The following MYO18B variants were observed in gnomAD, a reference collection of about 807,000 sequenced individuals.
MYO18B encodes unconventional myosin-XVIIIb.
In MYO18B, 204 loss-of-function variants were observed where a neutral mutation model predicts 273.0. The observed-to-expected ratio is 0.75, with a 90% CI of 0.67 to 0.84. MYO18B has a LOEUF of 0.84. Among genes scored for constraint, MYO18B ranks in the 40% least tolerant of loss-of-function variants. MYO18B has a pLI of 0.00. For missense variants in MYO18B, 3,212 were observed against 3,287.6 expected (o/e 0.98, Z 0.56); for synonymous variants, 1,330 against 1,305.7 (o/e 1.02, Z -0.40).
At chr22:25,781,453 CA>C (rs1236335334) in intron 9 of MYO18B, among the ~76,000 whole-genome samples, 2 of 151,764 alleles carry the variant, frequency 1.3e-5, no homozygotes, top group South Asian at 4.2e-4. Flanking sequence ...ACTAAAAAAA[CA>C]AAAAAATTAG....
intron 8 of MYO18B, 124 bp downstream of exon 8, chr22:25,777,905 C>A: frequency 1.1e-6 from 1 of 914,806 alleles, no homozygotes; most frequent in Non-Finnish European, 1.6e-6. Context: ...ATGTGCAGAC[C>A]CCATGCTTGC....
chr22:25,857,212 C>T (rs1444314081), intron 21 of MYO18B, among the ~76,000 whole-genome samples: 1 of 152,198 alleles, frequency 6.6e-6, no homozygotes, highest in Non-Finnish European at 1.5e-5. Flanking sequence ...CTCACCTTGG[C>T]TACGTCCCAG....
At chr22:25,910,397 A>G (rs1310158584) in intron 32 of MYO18B, among the ~76,000 whole-genome samples, 2 of 152,106 alleles carry the variant, frequency 1.3e-5, no homozygotes, top group Non-Finnish European at 2.9e-5. Flanking sequence ...CTCTACCTTC[A>G]TGGCCTCATT....
chr22:25,768,142 A>G lies in MYO18B; in HGVS notation c.226A>G (p.Asn76Asp). The change falls in exon 4 of 44, where the codon AAC (asparagine) becomes GAC (aspartate). Residue 76 changes from asparagine to aspartate, a missense_variant. Physicochemically the swap from Asn to Asp is conservative, Grantham distance 23. Transcript: ENST00000335473. ...CCCAGAAATTTCCATCAGCCAACCC[A>G]ACAGCAAGTCCAGCAGTGGCACCAG... Reference protein sequence around the residue: ...EIPEISISQPNSKSSSGTRSG... With the variant: ...EIPEISISQPDSKSSSGTRSG... The G allele has an allele frequency of 1.2e-6, 2 of 1,605,860 alleles. No individual in the cohort carries two copies. Among genetic ancestry groups the G allele is most frequent in the Non-Finnish European group, 1.7e-6 (2 of 1,175,240 alleles).
At chr22:25,978,235 G>GACAT (rs2093114338) in intron 39 of MYO18B, among the ~76,000 whole-genome samples, 2 of 152,192 alleles carry the variant, frequency 1.3e-5, no homozygotes, top group Admixed American at 1.3e-4. Flanking sequence ...CTAATTCTAT[G>GACAT]AGAGGGAGCC....
At chr22:25,894,884 A>G (rs2072015) in intron 27 of MYO18B, 4,666 of 309,402 alleles carry the variant, frequency 0.015, 42 homozygotes, top group East Asian at 0.031. Flanking sequence ...ACTTATAGAG[A>G]CAACTAAACA....
chr22:25,886,789 G>T (rs530545297), intron 25 of MYO18B, among the ~76,000 whole-genome samples: 115 of 152,232 alleles, frequency 7.6e-4, no homozygotes, highest in African/African-American at 2.5e-3. Flanking sequence ...CCAGGTGCTG[G>T]GAATCAGGCA....
intron 33 of MYO18B, among the ~76,000 whole-genome samples, chr22:25,919,406 A>C (rs1246437711): frequency 2.6e-5 from 4 of 152,212 alleles, no homozygotes; most frequent in African/African-American, 7.2e-5. Flanking sequence ...TGCATACTTC[A>C]GTTTCATTAT....
chr22:26,013,994 C>A (rs956076147), intron 42 of MYO18B, among the ~76,000 whole-genome samples: 5 of 152,092 alleles, frequency 3.3e-5, no homozygotes, highest in Admixed American at 6.5e-5. Context: ...AAGAAAAGTT[C>A]TTAATTTTAA....
chr22:25,810,287 A>G (rs962035330), intron 12 of MYO18B, among the ~76,000 whole-genome samples: 1 of 150,704 alleles, frequency 6.6e-6, no homozygotes, highest in Non-Finnish European at 1.5e-5. Flanking sequence ...TTTAGTAGAG[A>G]TGGGGTTTCA....
At chr22:26,028,887 CAAAAAAA>C (rs554144546) in intron 43 of MYO18B, among the ~76,000 whole-genome samples, 5 of 75,694 alleles carry the variant, frequency 6.6e-5, no homozygotes, top group African/African-American at 8.9e-5. Flanking sequence ...GACTCCGTCT[CAAAAAAA>C]AAAAAAAAAA....
intron 27 of MYO18B, among the ~76,000 whole-genome samples, chr22:25,893,759 C>CT (rs1416120384): frequency 1.3e-4 from 19 of 151,900 alleles, no homozygotes; most frequent in South Asian, 4.1e-4. Flanking sequence ...ATCCATCCAT[C>CT]TATCCATCCA....
At chr22:26,004,044 C>T (rs1934209895) in intron 41 of MYO18B, among the ~76,000 whole-genome samples, 1 of 151,184 alleles carries the variant, frequency 6.6e-6, no homozygotes, top group African/African-American at 2.4e-5. Flanking sequence ...TGGACAAGAA[C>T]TGGTGCTTGG....
intron 33 of MYO18B, among the ~76,000 whole-genome samples, chr22:25,919,972 T>G (rs922618923): frequency 6.6e-6 from 1 of 152,052 alleles, no homozygotes; most frequent in South Asian, 2.1e-4. Context: ...ATAGGGTGTT[T>G]TTTTTAACCT....
At chr22:26,007,430 A>G (rs537866537) in intron 42 of MYO18B, among the ~76,000 whole-genome samples, 1 of 152,326 alleles carries the variant, frequency 6.6e-6, no homozygotes, top group Non-Finnish European at 1.5e-5. Flanking sequence ...TTGCCATGCT[A>G]CCACAGCTCT....
chr22:26,006,732 C>G (rs576322702), intron 42 of MYO18B, among the ~76,000 whole-genome samples: 23 of 152,258 alleles, frequency 1.5e-4, no homozygotes, highest in Admixed American at 9.1e-4. Context: ...TGTTTCCTCC[C>G]GAGTAAATCA....
chr22:25,851,711 G>A, intron 21 of MYO18B, 132 bp downstream of exon 21: 2 of 699,692 alleles, frequency 2.9e-6, no homozygotes, highest in Non-Finnish European at 5.0e-6. Context: ...CCAGGTGGGT[G>A]GATCACTTGA....
chr22:25,941,740 C>T (rs928267493), intron 34 of MYO18B, among the ~76,000 whole-genome samples: 2 of 152,224 alleles, frequency 1.3e-5, no homozygotes, highest in Non-Finnish European at 1.5e-5. Flanking sequence ...GGGCCTGCCC[C>T]GTGGAGGTCT....
chr22:25,820,185 C>G lies in MYO18B; in HGVS notation c.2522-3320C>G, dbSNP rs142069317. ...GTTACCTGAGTCTCAGTTTCATCAT[C>G]TATAAAACGAGCATAGTCTGTAAAA... On this transcript the variant is annotated intron_variant, in intron 12 of 43. Coordinates refer to ENST00000335473, the MANE Select transcript of MYO18B (RefSeq NM_032608.7). Among the ~76,000 whole-genome samples, 94 of 150,316 alleles carry G rather than the reference C, an allele frequency of 6.3e-4. 2 individuals are homozygous for G. The East Asian group carries it at 0.016, about 26-fold the overall frequency.
Sources: gnomAD v4.1 joint callset for allele counts (sites outside exome capture counted in the v4.1 genomes callset) on GRCh38, gnomAD v4.1.1 for gene constraint, MANE v1.5 for transcripts, NCBI Gene and HGNC (gene_info 2026-07-23, HGNC 2026-07-21) for gene names.